Variants in DGKI observed in about 807,000 individuals in gnomAD.
The protein encoded by DGKI is DAG kinase iota.
A neutral mutation model predicts 147.5 loss-of-function variants in DGKI; 55 were observed. That is an observed-to-expected ratio of 0.37 (90% CI 0.30 to 0.47). The LOEUF (loss-of-function observed/expected upper bound fraction) is 0.47. DGKI is among the 20% of genes least tolerant of loss of function. DGKI has a pLI of 1.00. For missense variants in DGKI, 1,007 were observed against 1,323.8 expected, an observed-to-expected ratio of 0.76 and a Z score of 3.71; for synonymous variants, 469 against 477.1, an observed-to-expected ratio of 0.98 and a Z score of 0.22.
chr7:137,425,397 G>A (rs1812757144), intron 28 of DGKI, among the ~76,000 whole-genome samples: 1 of 152,168 alleles, frequency 6.6e-6, no homozygotes, highest in Non-Finnish European at 1.5e-5. Context: ...AAACCCATCT[G>A]TACATCACCA....
Position 137,472,230 on chromosome 7 carries a change from T to C in DGKI, c.2374-2611A>G, listed in dbSNP as rs183229168. The stretch of plus-strand genomic sequence containing the variant: ...ATACACATATATATGTATATATACA[T>C]ATAATATATGTATATATACACATAA... On this transcript the variant is annotated intron_variant, in intron 23 of 32. Transcript: ENST00000614521. Among the ~76,000 whole-genome samples the C allele has an allele frequency of 5.5e-3, 487 of 88,324 alleles. 13 individuals carry two copies. Among genetic ancestry groups the C allele is most frequent in the African/African-American group, 0.026 (460 of 17,616 alleles). The allele number at this position is 88,324 out of a possible 152,430, so 57.9% of individuals were successfully genotyped here.
At chr7:137,430,975 G>A (rs896351789) in intron 28 of DGKI, among the ~76,000 whole-genome samples, 18 of 152,026 alleles carry the variant, frequency 1.2e-4, no homozygotes, top group African/African-American at 3.1e-4. Context: ...AAAATCACTC[G>A]GAGACTTCAT....
At chr7:137,475,880 C>A (rs1212271877) in intron 23 of DGKI, among the ~76,000 whole-genome samples, 1 of 152,032 alleles carries the variant, frequency 6.6e-6, no homozygotes, top group Non-Finnish European at 1.5e-5. Context: ...TTTGAGCCAG[C>A]TGCCAAAAGA....
At chr7:137,595,201 T>C (rs1819742567) in intron 12 of DGKI, among the ~76,000 whole-genome samples, 1 of 152,236 alleles carries the variant, frequency 6.6e-6, no homozygotes, top group South Asian at 2.1e-4. Flanking sequence ...TTGAAAAGAC[T>C]GGATATGAAA....
At chr7:137,610,085 G>A (rs1820315465) in intron 8 of DGKI, among the ~76,000 whole-genome samples, 1 of 151,220 alleles carries the variant, frequency 6.6e-6, no homozygotes, top group Non-Finnish European at 1.5e-5. Flanking sequence ...TACTCTTTTG[G>A]TAATGATCTT....
chr7:137,411,145 T>C (rs1812147470), intron 29 of DGKI, among the ~76,000 whole-genome samples: 1 of 152,216 alleles, frequency 6.6e-6, no homozygotes, highest in Non-Finnish European at 1.5e-5. Flanking sequence ...GGTTCCTTGA[T>C]CTGCAATGGC....
intron 21 of DGKI, among the ~76,000 whole-genome samples, chr7:137,494,165 G>C (rs1022852287): frequency 6.6e-6 from 1 of 152,160 alleles, no homozygotes; most frequent in African/African-American, 2.4e-5. Flanking sequence ...AGAAATATGG[G>C]ATTATTTAAA....
chr7:137,588,948 T>C (rs913109124), intron 12 of DGKI, among the ~76,000 whole-genome samples: 3 of 152,152 alleles, frequency 2.0e-5, no homozygotes, highest in African/African-American at 7.2e-5. Flanking sequence ...ATCACACAGT[T>C]TACACGATAT....
intron 6 of DGKI, among the ~76,000 whole-genome samples, chr7:137,641,686 G>A (rs568756236): frequency 1.7e-3 from 254 of 152,186 alleles, no homozygotes; most frequent in Non-Finnish European, 2.3e-3. Context: ...TCTGGTTCCC[G>A]GCATTTCAGA....
intron 2 of DGKI, among the ~76,000 whole-genome samples, chr7:137,689,009 T>C (rs776239150): frequency 6.6e-6 from 1 of 152,176 alleles, no homozygotes; most frequent in Non-Finnish European, 1.5e-5. Flanking sequence ...AAGTGTGTGC[T>C]GAGAGGAGAG....
In DGKI at chr7:137,525,886, C is replaced by G. The variant is rs190917801; in HGVS notation, c.2148-3920G>C. On this transcript the variant is annotated intron_variant, in intron 20 of 32. Coordinates refer to ENST00000614521, the MANE Select transcript of DGKI (RefSeq NM_001321708.2). The stretch of plus-strand genomic sequence containing the variant: ...ACATTTCTGACAAGGTGCTGGGCTA[C>G]CTCTGGGGGGAGATTGTCTAGCTTG... 1.9e-3 allele frequency among the ~76,000 whole-genome samples: 291 copies of G among 152,194 alleles called. 1 individual carries two copies. Among genetic ancestry groups the G allele is most frequent in the African/African-American group, 6.7e-3 (277 of 41,512 alleles).
rs193009960 is a variant in DGKI, at chr7:137,626,153, T to C, written c.805-2599A>G. Among the ~76,000 whole-genome samples the C allele has an allele frequency of 5.3e-5, 8 of 152,276 alleles. No individual in the cohort carries two copies. In the East Asian group the frequency reaches 5.8e-4, roughly 11 times the overall value. On this transcript the variant is annotated intron_variant, in intron 6 of 32. Transcript: ENST00000614521. Reference sequence around the variant, plus strand: ...TGCATCCTTGTGTTGTAATAAACTATAGATATTAGCACTATACACTGAGTC... The same window carrying C: ...TGCATCCTTGTGTTGTAATAAACTACAGATATTAGCACTATACACTGAGTC...
chr7:137,553,360 G>A (rs1185454377), intron 19 of DGKI, among the ~76,000 whole-genome samples: 1 of 152,106 alleles, frequency 6.6e-6, no homozygotes, highest in Non-Finnish European at 1.5e-5. Flanking sequence ...TCTCTAACCT[G>A]TATAAGATCA....
chr7:137,826,507 T>G (rs960226389), intron 1 of DGKI, among the ~76,000 whole-genome samples: 1 of 152,204 alleles, frequency 6.6e-6, no homozygotes, highest in African/African-American at 2.4e-5. Flanking sequence ...GTCCAGCCAA[T>G]CTCTATTCAT....
At position 137,846,594 on chromosome 7, in the gene DGKI, C is replaced by A; in HGVS notation, c.269G>T (p.Arg90Leu). The A allele has an allele frequency of 8.8e-7, 1 of 1,135,282 alleles. No homozygotes were observed. Among genetic ancestry groups the A allele is most frequent in the Non-Finnish European group, 1.1e-6 (1 of 930,812 alleles). 70.3% of individuals were successfully genotyped at this position (1,135,282 alleles called of 1,614,324 possible). The stretch of plus-strand genomic sequence containing the variant: ...CGCCGCCGCGGCTGACCCTGCGCCC[C>A]GCGGGTCCGCGCCGCCCTCGGCGCC... ...CLGAEGGADPRGAGSAAAAGA... is the reference protein window; with the variant it reads ...CLGAEGGADPLGAGSAAAAGA... Residue 90 changes from arginine to leucine, a missense_variant, in exon 1 of 33, where the codon CGG becomes CTG. This residue lies in a region of DGKI where 137 missense variants were observed against 114.4 expected (regional missense o/e 1.20). Transcript: ENST00000614521. The surrounding 1 kb of genome is among the most constrained non-coding windows in gnomAD (Gnocchi z 4.0).
intron 1 of DGKI, among the ~76,000 whole-genome samples, chr7:137,821,580 T>C (rs1192200749): frequency 6.6e-6 from 1 of 150,704 alleles, no homozygotes; most frequent in Non-Finnish European, 1.5e-5. Flanking sequence ...GCTGGACACA[T>C]ACTTTTAGCC....
intron 1 of DGKI, among the ~76,000 whole-genome samples, chr7:137,779,535 G>A (rs1796456316): frequency 6.6e-6 from 1 of 152,014 alleles, no homozygotes; most frequent in Non-Finnish European, 1.5e-5. Flanking sequence ...GCTTCAGATT[G>A]GAAAAACATA....
At chr7:137,450,582 C>T (rs1268938330) in intron 27 of DGKI, among the ~76,000 whole-genome samples, 2 of 151,890 alleles carry the variant, frequency 1.3e-5, no homozygotes, top group East Asian at 1.9e-4. Context: ...ATTAGCCAAG[C>T]GTGGTGGCAC....
chr7:137,520,485 A>G (rs1020522101), intron 21 of DGKI, among the ~76,000 whole-genome samples: 4 of 152,024 alleles, frequency 2.6e-5, no homozygotes, highest in African/African-American at 9.7e-5. Flanking sequence ...AGAAAATGTA[A>G]TATGTTGTTT....
Sources: gnomAD v4.1 joint callset for allele counts (sites outside exome capture counted in the v4.1 genomes callset) on GRCh38, gnomAD v4.1.1 for gene constraint, gnomAD v4.1.1 regional missense constraint, Gnocchi (gnomAD v3.1) non-coding constraint, MANE v1.5 for transcripts, NCBI Gene and HGNC (gene_info 2026-07-23, HGNC 2026-07-21) for gene names.